The following RSPH3 variants were observed in gnomAD, a reference collection of about 807,000 sequenced individuals.
RSPH3 encodes the protein radial spoke head protein 3 homolog.
A neutral mutation model predicts 43.8 loss-of-function variants in RSPH3; 21 were observed. The observed-to-expected ratio is 0.48, with a 90% CI of 0.34 to 0.69. The LOEUF (loss-of-function observed/expected upper bound fraction) is 0.69. Ranked by LOEUF, RSPH3 falls within the 30% of genes least tolerant of loss-of-function variation. The pLI is 0.01. For missense variants in RSPH3, 487 were observed against 516.0 expected, an observed-to-expected ratio of 0.94 and a Z score of 0.54; for synonymous variants, 173 against 179.8, an observed-to-expected ratio of 0.96 and a Z score of 0.30.
At chr6:158,991,918 T>C (rs1385751552) in intron 2 of RSPH3, among the ~76,000 whole-genome samples, 2 of 152,202 alleles carry the variant, frequency 1.3e-5, no homozygotes, top group Admixed American at 1.3e-4. Context: ...ACAGAAAATG[T>C]ACTTTGAATA....
chr6:158,973,849 A>G lies in RSPH3; in HGVS notation c.*3689T>C, dbSNP rs1051741060. The G allele has an allele frequency of 3.4e-5, 5 of 145,314 alleles. No homozygotes were observed. The highest frequency in any genetic ancestry group is 1.3e-4 in the African/African-American group (5 of 39,138). 9.0% of individuals were successfully genotyped at this position (145,314 alleles called of 1,614,324 possible). On this transcript the variant is annotated 3_prime_UTR_variant, in exon 8 of 8. Coordinates refer to ENST00000367069, the MANE Select transcript of RSPH3 (RefSeq NM_031924.8). ...TTTTTCTTTCTTTTTTTTTTTTTTGAGACGGAGTCTTGCTCTGTCACCGGG... is the reference window on the plus strand; with the variant it reads ...TTTTTCTTTCTTTTTTTTTTTTTTGGGACGGAGTCTTGCTCTGTCACCGGG...
Position 158,975,863 on chromosome 6 carries a change from G to A in RSPH3, c.*1675C>T, listed in dbSNP as rs1013069879. 1 of 152,066 alleles carries A rather than the reference G, an allele frequency of 6.6e-6. No individual in the cohort carries two copies. Among genetic ancestry groups the A allele is most frequent in the Non-Finnish European group, 1.5e-5 (1 of 68,000 alleles). 9.4% of individuals were successfully genotyped at this position (152,066 alleles called of 1,614,324 possible). A position where few individuals can be genotyped will look rare whatever the true frequency, so the allele number is the denominator to read the frequency against. On this transcript the variant is annotated 3_prime_UTR_variant, in exon 8 of 8. Coordinates refer to ENST00000367069, the MANE Select transcript of RSPH3 (RefSeq NM_031924.8). The stretch of plus-strand genomic sequence containing the variant: ...ATTATAAGTTATTTTAAATCACTAC[G>A]TTTATATATGTGTAAGTATTTTGCG...
At chr6:158,994,424 A>G (rs1322525154) in intron 1 of RSPH3, among the ~76,000 whole-genome samples, 1 of 152,198 alleles carries the variant, frequency 6.6e-6, no homozygotes, top group Non-Finnish European at 1.5e-5. Flanking sequence ...TATTTTTTAA[A>G]GTTATTGTTG....
downstream of RSPH3, among the ~76,000 whole-genome samples, chr6:158,971,197 CA>C (rs1287166643): frequency 1.3e-5 from 2 of 152,208 alleles, no homozygotes; most frequent in African/African-American, 2.4e-5. Flanking sequence ...TACTGACTTT[CA>C]AGGCTACTGT....
At chr6:158,982,162 T>C (rs1778053490) in intron 5 of RSPH3, among the ~76,000 whole-genome samples, 1 of 152,338 alleles carries the variant, frequency 6.6e-6, no homozygotes, top group African/African-American at 2.4e-5. Flanking sequence ...CAAACCAACA[T>C]ACATCTTTCT....
intron 1 of RSPH3, among the ~76,000 whole-genome samples, chr6:158,995,299 C>T (rs977037744): frequency 6.6e-6 from 1 of 152,180 alleles, no homozygotes; most frequent in Non-Finnish European, 1.5e-5. Flanking sequence ...CTCATTACTT[C>T]TTCAGTGTTT....
downstream of RSPH3, among the ~76,000 whole-genome samples, chr6:158,968,686 T>C (rs1777658192): frequency 1.3e-5 from 2 of 152,188 alleles, no homozygotes; most frequent in South Asian, 4.1e-4. Context: ...CTGTTCCTTC[T>C]CCTTCCTTTG....
At chr6:158,963,991 C>T in the RSPH3 span, among the ~76,000 whole-genome samples, 1 of 152,308 alleles carries the variant, frequency 6.6e-6, no homozygotes, top group South Asian at 2.1e-4. Context: ...TTTTCTACCC[C>T]TCCTCTTACC....
downstream of RSPH3, among the ~76,000 whole-genome samples, chr6:158,968,420 G>A (rs184577387): frequency 3.3e-4 from 50 of 152,054 alleles, no homozygotes; most frequent in East Asian, 9.5e-3. Flanking sequence ...ATTTTTAATA[G>A]AGATCAGGTT....
chr6:158,998,592 A>G (rs966994527), intron 1 of RSPH3, among the ~76,000 whole-genome samples: 1 of 151,488 alleles, frequency 6.6e-6, no homozygotes, highest in African/African-American at 2.4e-5. Flanking sequence ...GCGGTGGCTC[A>G]CGCTTGTAAT....
At chr6:158,988,708 T>C (rs1778309270) in intron 2 of RSPH3, among the ~76,000 whole-genome samples, 1 of 152,200 alleles carries the variant, frequency 6.6e-6, no homozygotes, top group Non-Finnish European at 1.5e-5. Flanking sequence ...AACAAATGTA[T>C]TACTCAGCTC....
In RSPH3 at chr6:158,978,349, G is replaced by A. The variant is rs1777920745; in HGVS notation, c.860-3C>T. The A allele has an allele frequency of 1.5e-6, 2 of 1,370,878 alleles. No homozygotes were observed. The highest frequency in any genetic ancestry group is 2.1e-6 in the Non-Finnish European group (2 of 965,602). 84.9% of individuals were successfully genotyped at this position (1,370,878 alleles called of 1,614,324 possible). ...TGGAAGAAATCCTATCTCAATATCT[G>A]TAATAAAAGAATTCATTGATTTTCA... On this transcript the variant is annotated splice_region_variant and splice_polypyrimidine_tract_variant and intron_variant, in intron 6 of 7. Coordinates refer to ENST00000367069, the MANE Select transcript of RSPH3 (RefSeq NM_031924.8).
At chr6:158,982,008 G>A (rs560727053) in intron 5 of RSPH3, among the ~76,000 whole-genome samples, 116 of 151,774 alleles carry the variant, frequency 7.6e-4, no homozygotes, top group African/African-American at 2.7e-3. Flanking sequence ...AATAGGTCTG[G>A]TGTGTCACCA....
chr6:158,990,886 C>CT (rs372007100), intron 2 of RSPH3, among the ~76,000 whole-genome samples: 1,759 of 132,106 alleles, frequency 0.013, 19 homozygotes, highest in East Asian at 0.033. Flanking sequence ...CTCTCTCAGC[C>CT]TTTTTTTTTT....
At position 158,978,299 on chromosome 6, in the gene RSPH3, T is replaced by C. The variant is rs781417436; in HGVS notation, c.907A>G (p.Thr303Ala). The C allele has an allele frequency of 1.9e-6, 3 of 1,583,022 alleles. No individual in the cohort carries two copies. Among genetic ancestry groups the C allele is most frequent in the Non-Finnish European group, 2.6e-6 (3 of 1,153,528 alleles). ...CTTCCCACCATGCTATATTCCATGG[T>C]TTTTTCAACTTCATTCATTAGCCAT... ...LPWLMNEVEKTMEYSMVGRTV... is the reference protein window; with the variant it reads ...LPWLMNEVEKAMEYSMVGRTV... Residue 303 changes from threonine (T) to alanine (A), a missense_variant, in exon 7 of 8, where the codon ACC (threonine) becomes GCC (alanine). By Grantham distance (58) the Thr-to-Ala change is moderately conservative. Coordinates refer to ENST00000367069, the MANE Select transcript of RSPH3 (RefSeq NM_031924.8).
At chr6:158,995,604 A>G (rs762196885) in intron 1 of RSPH3, among the ~76,000 whole-genome samples, 7 of 150,496 alleles carry the variant, frequency 4.7e-5, no homozygotes, top group Non-Finnish European at 5.9e-5. Flanking sequence ...TTTTATTTTT[A>G]TTTTTTTTGA....
intron 2 of RSPH3, chr6:158,990,606 T>A (rs1778373439): frequency 6.6e-6 from 1 of 152,186 alleles, no homozygotes; most frequent in South Asian, 2.1e-4. Context: ...ATCATTGTTC[T>A]CCTTTAGCTA....
At chr6:158,963,575 C>T in the RSPH3 span, among the ~76,000 whole-genome samples, 2 of 128,856 alleles carry the variant, frequency 1.6e-5, no homozygotes, top group Admixed American at 8.1e-5. Context: ...CTTTCTTTTT[C>T]CCTTTTCTTT....
intron 2 of RSPH3, 53 bp downstream of exon 2, chr6:158,993,786 T>C: frequency 1.1e-6 from 1 of 950,854 alleles, no homozygotes; most frequent in East Asian, 2.6e-5. Flanking sequence ...AAACTGATCC[T>C]TCCCCATAGA....
Sources: gnomAD v4.1 joint callset for allele counts (sites outside exome capture counted in the v4.1 genomes callset) on GRCh38, gnomAD v4.1.1 for gene constraint, MANE v1.5 for transcripts, NCBI Gene and HGNC (gene_info 2026-07-23, HGNC 2026-07-21) for gene names.